Variants in FHIT observed in about 807,000 individuals in gnomAD.
The protein encoded by FHIT is bis(5'-adenosyl)-triphosphatase.
Under a neutral mutation model 17.9 loss-of-function variants are expected in FHIT, and 19 were observed. The ratio of observed to expected loss-of-function variants is 1.06; its 90% CI spans 0.74 to 1.56. The LOEUF (loss-of-function observed/expected upper bound fraction) is 1.56, where lower values mean the gene tolerates loss of function less well. FHIT is among the 40% of genes most tolerant of loss of function. The pLI is 0.00. For synonymous variants in FHIT, 81 were observed against 69.7 expected (o/e 1.16, Z -0.81); for missense variants, 248 against 189.2 (o/e 1.31, Z -1.82).
At chr3:60,089,583 T>A (rs1234390230) in intron 5 of FHIT, among the ~76,000 whole-genome samples, 1 of 152,162 alleles carries the variant, frequency 6.6e-6, no homozygotes, top group African/African-American at 2.4e-5. Flanking sequence ...GCAACAAAAA[T>A]AATCCCATTC....
chr3:60,677,242 T>C (rs915532929), intron 4 of FHIT, among the ~76,000 whole-genome samples: 6 of 152,150 alleles, frequency 3.9e-5, no homozygotes, highest in African/African-American at 1.4e-4. Flanking sequence ...TACCGCATAG[T>C]GGTCAAGTCT....
chr3:60,472,978 TTTC>T (rs1250014828), intron 5 of FHIT, among the ~76,000 whole-genome samples: 1 of 152,202 alleles, frequency 6.6e-6, no homozygotes, highest in African/African-American at 2.4e-5. Flanking sequence ...TATAGAAATG[TTTC>T]TTATTATATT....
At chr3:60,025,671 C>A (rs374978997) in intron 5 of FHIT, among the ~76,000 whole-genome samples, 1 of 151,088 alleles carries the variant, frequency 6.6e-6, no homozygotes, top group African/African-American at 2.4e-5. Context: ...ATTGTGTGAT[C>A]CATTCAAAAT....
chr3:60,956,792 A>C (rs1393674723), intron 3 of FHIT, among the ~76,000 whole-genome samples: 3 of 152,238 alleles, frequency 2.0e-5, no homozygotes, highest in Non-Finnish European at 4.4e-5. Context: ...TTGGATATGT[A>C]ATAATAGAAA....
chr3:61,139,806 C>T (rs1560013599), intron 2 of FHIT, among the ~76,000 whole-genome samples: 1 of 152,062 alleles, frequency 6.6e-6, no homozygotes, highest in African/African-American at 2.4e-5. Context: ...AATGCTGGTA[C>T]TTTAAGTGAA....
intron 4 of FHIT, among the ~76,000 whole-genome samples, chr3:60,681,513 C>T (rs1245243738): frequency 6.6e-6 from 1 of 152,154 alleles, no homozygotes; most frequent in Admixed American, 6.6e-5. Context: ...AATGATTAAG[C>T]TTGGCGAGGA....
At chr3:60,518,670 A>G (rs2035247490) in intron 5 of FHIT, among the ~76,000 whole-genome samples, 1 of 152,240 alleles carries the variant, frequency 6.6e-6, no homozygotes, top group African/African-American at 2.4e-5. Flanking sequence ...CTAATAAATT[A>G]TAGTAGATCC....
At chr3:60,260,345 C>G (rs1456156358) in intron 5 of FHIT, among the ~76,000 whole-genome samples, 1 of 144,206 alleles carries the variant, frequency 6.9e-6, no homozygotes, top group East Asian at 2.0e-4. Context: ...TCTGTCTTGA[C>G]TAAATTTAAA....
intron 8 of FHIT, among the ~76,000 whole-genome samples, chr3:59,792,788 C>A (rs1309726450): frequency 6.6e-6 from 1 of 151,162 alleles, no homozygotes; most frequent in Non-Finnish European, 1.5e-5. Context: ...ACATATTTGT[C>A]CATCTATCAT....
intron 5 of FHIT, among the ~76,000 whole-genome samples, chr3:60,242,489 A>G (rs984954382): frequency 5.9e-5 from 9 of 152,030 alleles, no homozygotes; most frequent in Admixed American, 5.2e-4. Flanking sequence ...TCCCCAATCC[A>G]CATAATCTTC....
chr3:60,834,250 C>A (rs1702440958), intron 3 of FHIT, among the ~76,000 whole-genome samples: 1 of 152,230 alleles, frequency 6.6e-6, no homozygotes. Flanking sequence ...AATTTCTCTG[C>A]ATCCTCACCA....
chr3:61,027,831 T>A (rs1178088961), intron 3 of FHIT, among the ~76,000 whole-genome samples: 2 of 152,226 alleles, frequency 1.3e-5, no homozygotes, highest in Non-Finnish European at 2.9e-5. Context: ...TCAAGAGTAG[T>A]GATTATTTTA....
intron 2 of FHIT, among the ~76,000 whole-genome samples, chr3:61,193,664 AT>A (rs2038777601): frequency 2.0e-5 from 3 of 152,208 alleles, no homozygotes; most frequent in Admixed American, 6.5e-5. Context: ...ATTCAAAACA[AT>A]TTTTCAGAAT....
intron 5 of FHIT, among the ~76,000 whole-genome samples, chr3:60,273,462 T>C (rs1012945858): frequency 1.9e-4 from 29 of 151,730 alleles, no homozygotes; most frequent in African/African-American, 6.8e-4. Context: ...CAAAAAAAAT[T>C]AGCCAGGGGT....
At chr3:60,264,420 A>C (rs1246313929) in intron 5 of FHIT, among the ~76,000 whole-genome samples, 1 of 152,016 alleles carries the variant, frequency 6.6e-6, no homozygotes, top group African/African-American at 2.4e-5. Flanking sequence ...TAAAGCTTAA[A>C]AAGAAAAAAT....
intron 2 of FHIT, among the ~76,000 whole-genome samples, chr3:61,173,422 G>C: frequency 6.6e-6 from 1 of 152,126 alleles, no homozygotes; most frequent in Admixed American, 6.6e-5. Context: ...TTGTATGTGT[G>C]TGTGTTGTTT....
intron 5 of FHIT, among the ~76,000 whole-genome samples, chr3:60,082,309 CT>C (rs147183355): frequency 0.34 from 52,038 of 151,800 alleles, 9,621 homozygotes; most frequent in African/African-American, 0.48. Flanking sequence ...TGATTTCATT[CT>C]TTTTTTATGG....
intron 3 of FHIT, among the ~76,000 whole-genome samples, chr3:60,866,778 T>A (rs782788590): frequency 3.9e-4 from 60 of 152,292 alleles, no homozygotes; most frequent in Non-Finnish European, 6.9e-4. Context: ...CTCACAATTA[T>A]CAGGAGATAT....
intron 7 of FHIT, among the ~76,000 whole-genome samples, chr3:59,971,909 C>T (rs1460461915): frequency 9.2e-5 from 14 of 152,156 alleles, no homozygotes; most frequent in Admixed American, 4.6e-4. Flanking sequence ...ATTGCACCAA[C>T]GTCAGTGCCT....
Sources: allele counts gnomAD v4.1 joint callset (sites outside exome capture counted in the v4.1 genomes callset), GRCh38; gene constraint gnomAD v4.1.1; transcripts MANE v1.5; gene names NCBI Gene and HGNC (gene_info 2026-07-23, HGNC 2026-07-21).